The following PCSK1 variants were observed in gnomAD, a reference collection of about 807,000 sequenced individuals.
The protein encoded by PCSK1 is proprotein convertase subtilisin/kexin type 1.
In PCSK1, 56 loss-of-function variants were observed where a neutral mutation model predicts 90.6. The observed-to-expected ratio is 0.62, with a 90% CI of 0.50 to 0.77. The LOEUF (loss-of-function observed/expected upper bound fraction) is 0.77. PCSK1 is among the 30% of genes least tolerant of loss of function. The pLI, the probability that PCSK1 is intolerant of heterozygous loss-of-function variation, is 0.00. For missense variants in PCSK1, 801 were observed against 932.6 expected, an observed-to-expected ratio of 0.86 and a Z score of 1.84; for synonymous variants, 348 against 342.4, an observed-to-expected ratio of 1.02 and a Z score of -0.18.
chr5:96,416,175 T>G, intron 5 of PCSK1, 54 bp from the exon 6 acceptor site: 1 of 1,245,226 alleles, frequency 8.0e-7, no homozygotes. Flanking sequence ...AACATTTGTT[T>G]TGCATATGAA....
chr5:96,423,273 C>T (rs771685689), intron 4 of PCSK1, 40 bp downstream of exon 4: 2 of 1,579,460 alleles, frequency 1.3e-6, no homozygotes, highest in East Asian at 2.3e-5. Flanking sequence ...TCTGCACAGA[C>T]AGCTCCCTAA....
chr5:96,410,785 C>G lies in PCSK1; in HGVS notation c.1084G>C (p.Asp362His), dbSNP rs763279409. The G allele has an allele frequency of 1.2e-6, 2 of 1,613,066 alleles. No homozygotes were observed. Among genetic ancestry groups the G allele is most frequent in the African/African-American group, 1.3e-5 (1 of 75,012 alleles). Residue 362 changes from aspartate to histidine, a missense_variant, in exon 8 of 14, where the codon GAC becomes CAC. Asp to His is a moderately conservative substitution (Grantham distance 81). Coordinates refer to ENST00000311106, the MANE Select transcript of PCSK1 (RefSeq NM_000439.5). ...ATSYSSGDYTDQRITSADLHN... is the reference protein window; with the variant it reads ...ATSYSSGDYTHQRITSADLHN... ...CAAAAGCAACATACGATTCTCTGGTCGGTGTAATCTCCGCTGCTGTAAGAG... is the reference window on the plus strand; with the variant it reads ...CAAAAGCAACATACGATTCTCTGGTGGGTGTAATCTCCGCTGCTGTAAGAG...
chr5:96,398,832 C>G, intron 11 of PCSK1, 47 bp downstream of exon 11: 1 of 1,450,632 alleles, frequency 6.9e-7, no homozygotes, highest in African/African-American at 1.4e-5. Context: ...TTGAATCATT[C>G]AACTTACACT....
In PCSK1 at chr5:96,399,009, G is replaced by A; in HGVS notation, c.1458C>T (p.Ile486=). 6.2e-7 allele frequency: 1 copy of A among 1,612,230 alleles called. No homozygotes were observed. Among genetic ancestry groups the A allele is most frequent in the Admixed American group, 1.7e-5 (1 of 59,944 alleles). The change falls in exon 11 of 14, where the codon ATC becomes ATT. Residue 486 remains isoleucine (I), a synonymous_variant. Transcript: ENST00000311106. ...CACAAGCTCTTGTTGGAATTTCAATGATAACTTCTCCATTAGCTTTCAGGG... is the reference window on the plus strand; with the variant it reads ...CACAAGCTCTTGTTGGAATTTCAATAATAACTTCTCCATTAGCTTTCAGGG... The part of the protein sequence containing the change: ...PRALKANGEV[I]IEIPTRACEG...
In PCSK1 at chr5:96,392,602, A is replaced by G. The variant is rs575699116; in HGVS notation, c.*399T>C. The G allele has an allele frequency of 4.9e-6, 1 of 205,394 alleles. No homozygotes were observed. Among genetic ancestry groups the G allele is most frequent in the Non-Finnish European group, 9.9e-6 (1 of 101,240 alleles). 12.7% of individuals were successfully genotyped at this position (205,394 alleles called of 1,614,324 possible). On this transcript the variant is annotated 3_prime_UTR_variant, in exon 14 of 14. Transcript: ENST00000311106. ...ACAAGACAGGGAACAAGCTACAGAA[A>G]CAGTTTCTGACTCCTTCTCATTCTT...
At chr5:96,412,750 A>ATTTT (rs1451878228) in intron 6 of PCSK1, among the ~76,000 whole-genome samples, 25 of 63,386 alleles carry the variant, frequency 3.9e-4, no homozygotes, top group African/African-American at 9.5e-4. Flanking sequence ...GGCAGCTGTG[A>ATTTT]TGTTTTTTTT....
intron 6 of PCSK1, among the ~76,000 whole-genome samples, chr5:96,413,466 G>A (rs978619225): frequency 1.3e-5 from 2 of 152,172 alleles, no homozygotes; most frequent in East Asian, 1.9e-4. Context: ...AAATTGATAT[G>A]ATCAGTGAAA....
intron 13 of PCSK1, 41 bp downstream of exon 13, chr5:96,394,823 C>T: frequency 6.3e-7 from 1 of 1,595,112 alleles, no homozygotes; most frequent in Non-Finnish European, 8.6e-7. Context: ...TTGTCTACCC[C>T]AGTTCAAAAG....
intron 6 of PCSK1, 57 bp from the exon 7 acceptor site, chr5:96,412,547 A>C: frequency 6.9e-7 from 1 of 1,457,576 alleles, no homozygotes; most frequent in East Asian, 2.3e-5. Context: ...GTACATGGAC[A>C]AAAGCCCAAT....
At chr5:96,425,345 A>G (rs1236785374) in intron 3 of PCSK1, among the ~76,000 whole-genome samples, 2 of 152,220 alleles carry the variant, frequency 1.3e-5, no homozygotes, top group African/African-American at 2.4e-5. Context: ...GACATTTGCA[A>G]TAGACTTTTC....
rs760238211 is a variant in PCSK1 at position 96,400,078 on chromosome 5, C to T, written c.1305G>A (p.Val435=). ...GWKKNGAGLM[V]NSRFGFGLLN... is the part of the protein sequence containing the mutation. Reference sequence around the variant, plus strand: ...GCAAGCCAAATCCAAATCGACTATTCACCATCAAGCCTGCTCCATTCTTTT... The same window carrying T: ...GCAAGCCAAATCCAAATCGACTATTTACCATCAAGCCTGCTCCATTCTTTT... The change falls in exon 10 of 14, where the codon GTG becomes GTA. Residue 435 remains valine, a synonymous_variant. Transcript: ENST00000311106. 6.2e-6 allele frequency: 10 copies of T among 1,614,164 alleles called. No homozygotes were observed. Among genetic ancestry groups the T allele is most frequent in the Non-Finnish European group, 8.5e-6 (10 of 1,179,978 alleles).
chr5:96,432,617 A>G (rs1352351939), intron 1 of PCSK1, among the ~76,000 whole-genome samples: 1 of 152,204 alleles, frequency 6.6e-6, no homozygotes, highest in East Asian at 1.9e-4. Flanking sequence ...AGCGGCCAAC[A>G]GTAAGCATAA....
chr5:96,408,708 G>A (rs1760654205), intron 8 of PCSK1, among the ~76,000 whole-genome samples: 2 of 152,214 alleles, frequency 1.3e-5, no homozygotes, highest in South Asian at 4.1e-4. Flanking sequence ...TAGAAATTCT[G>A]TCTCATACAA....
intron 9 of PCSK1, among the ~76,000 whole-genome samples, chr5:96,403,912 G>A (rs1448521365): frequency 1.3e-5 from 2 of 152,148 alleles, no homozygotes; most frequent in East Asian, 1.9e-4. Context: ...AAGACCAGAA[G>A]TTTGGCTTAT....
At position 96,424,790 on chromosome 5, in the gene PCSK1, C is replaced by T. The variant is rs185001568; in HGVS notation, c.396+1030G>A. On this transcript the variant is annotated intron_variant, in intron 3 of 13. Coordinates refer to ENST00000311106, the MANE Select transcript of PCSK1 (RefSeq NM_000439.5). ...CCAGACTGACCAATGTGACAAAACC[C>T]CATCTCTATTAAAAATACAAAAATT... Among the ~76,000 whole-genome samples, 40 of 151,912 alleles carry T rather than the reference C, an allele frequency of 2.6e-4. No individual in the cohort carries two copies. In the East Asian group the frequency reaches 7.6e-3, roughly 29 times the overall value.
chr5:96,423,517 G>A (rs1761191086), intron 3 of PCSK1, 58 bp from the exon 4 acceptor site: 15 of 1,534,010 alleles, frequency 9.8e-6, no homozygotes, highest in Non-Finnish European at 1.4e-5. Flanking sequence ...CTACAAAATG[G>A]GCACTTCAGT....
intron 3 of PCSK1, among the ~76,000 whole-genome samples, chr5:96,424,283 G>A (rs752866184): frequency 2.6e-5 from 4 of 152,142 alleles, no homozygotes; most frequent in African/African-American, 4.8e-5. Flanking sequence ...TGGGGGGTGG[G>A]GTGACAAGTA....
intron 4 of PCSK1, among the ~76,000 whole-genome samples, chr5:96,422,229 T>G (rs1467245772): frequency 6.6e-6 from 1 of 151,858 alleles, no homozygotes; most frequent in Non-Finnish European, 1.5e-5. Context: ...GATATTGGAG[T>G]TGGAAGGAAT....
rs1204121941 is a variant in PCSK1 at position 96,433,229 on chromosome 5, C to G, written c.-187G>C. Reference sequence around the variant, plus strand: ...GCGGCGGCGAGCGCTCAGTGAAGCGCTTCGGTCTCCAGGCTGAGTGGAGCC... The same window carrying G: ...GCGGCGGCGAGCGCTCAGTGAAGCGGTTCGGTCTCCAGGCTGAGTGGAGCC... On this transcript the variant is annotated 5_prime_UTR_variant, in exon 1 of 14. Coordinates refer to ENST00000311106, the MANE Select transcript of PCSK1 (RefSeq NM_000439.5). 1.6e-6 allele frequency: 1 copy of G among 635,452 alleles called. No individual in the cohort carries two copies. Among genetic ancestry groups the G allele is most frequent in the Admixed American group, 2.4e-5 (1 of 42,382 alleles). 39.4% of individuals were successfully genotyped at this position (635,452 alleles called of 1,614,324 possible). A position where few individuals can be genotyped will look rare whatever the true frequency, so the allele number is the denominator to read the frequency against.
Sources: gnomAD v4.1 joint callset for allele counts (sites outside exome capture counted in the v4.1 genomes callset) on GRCh38, gnomAD v4.1.1 for gene constraint, MANE v1.5 for transcripts, NCBI Gene and HGNC (gene_info 2026-07-23, HGNC 2026-07-21) for gene names.